CEP131: variants seen among roughly 807,000 people sequenced by gnomAD.
The protein encoded by CEP131 is centrosomal protein 131.
CEP131 carries 99 observed loss-of-function variants against 136.8 expected under a neutral mutation model. The observed-to-expected ratio is 0.72, with a 90% CI of 0.62 to 0.86. CEP131 has a LOEUF of 0.86. Ranked by LOEUF, CEP131 falls within the 40% of genes least tolerant of loss-of-function variation. The pLI, the probability that CEP131 is intolerant of heterozygous loss-of-function variation, is 0.00. For missense variants in CEP131, 1,459 were observed against 1,463.0 expected, an observed-to-expected ratio of 1.00 and a Z score of 0.04; for synonymous variants, 646 against 612.7, an observed-to-expected ratio of 1.05 and a Z score of -0.80.
At chr17:81,217,228 GC>G (rs2062267287) in intron 2 of CEP131, among the ~76,000 whole-genome samples, 1 of 152,126 alleles carries the variant, frequency 6.6e-6, no homozygotes, top group South Asian at 2.1e-4. Flanking sequence ...CTACAGTCTG[GC>G]ACCGACATCT....
chr17:81,198,144 G>A lies in CEP131; in HGVS notation c.1441C>T (p.His481Tyr), dbSNP rs1433867528. ...CTGGCCCAGGCGTATCTGCCCCTGT[G>A]ATGGGTCCTGGGGCGGGGCAGCACG... ...PDVLPRPRTH[H>Y]RGRYAWASEE... Residue 481 changes from histidine (H) to tyrosine (Y), a missense_variant, in exon 12 of 26, where the codon CAC (histidine) becomes TAC (tyrosine). Around this residue, in one of 3 missense-constraint regions of CEP131, gnomAD observed 1,026 missense variants for 964.2 expected, o/e 1.06. Coordinates refer to ENST00000450824, the MANE Select transcript of CEP131 (RefSeq NM_014984.4). 2.5e-6 allele frequency: 4 copies of A among 1,573,998 alleles called. No individual in the cohort carries two copies. Among genetic ancestry groups the A allele is most frequent in the Non-Finnish European group, 3.4e-6 (4 of 1,160,272 alleles).
intron 1 of CEP131, among the ~76,000 whole-genome samples, chr17:81,221,268 T>G (rs761922236): frequency 5.9e-5 from 9 of 151,890 alleles, no homozygotes; most frequent in Non-Finnish European, 1.0e-4. Context: ...TGACGATCGA[T>G]CGAGGGGATT....
chr17:81,189,790 C>T lies in CEP131; in HGVS notation c.3222G>A (p.Arg1074=), dbSNP rs752684649. 6.2e-7 allele frequency: 1 copy of T among 1,608,564 alleles called. No individual in the cohort carries two copies. Among genetic ancestry groups the T allele is most frequent in the South Asian group, 1.1e-5 (1 of 90,668 alleles). The change falls in exon 26 of 26, where the codon AGG becomes AGA. Residue 1074 remains arginine (R), a synonymous_variant. Coordinates refer to ENST00000450824, the MANE Select transcript of CEP131 (RefSeq NM_014984.4). The part of the protein sequence containing the change: ...HLEELLEQHR[R]PTPSTK ...CTGGTCACTTGGTACTTGGCGTGGG[C>T]CTCCTGTGCTGCTCCAGCAGCTCCT...
At chr17:81,205,986 A>T in intron 5 of CEP131, among the ~76,000 whole-genome samples, 1 of 152,174 alleles carries the variant, frequency 6.6e-6, no homozygotes, top group East Asian at 1.9e-4. Flanking sequence ...CGGGTGGATC[A>T]TGAGGTCAGG....
At chr17:81,206,346 G>T (rs932185950) in intron 5 of CEP131, among the ~76,000 whole-genome samples, 4 of 152,086 alleles carry the variant, frequency 2.6e-5, no homozygotes, top group African/African-American at 9.7e-5. Flanking sequence ...TTCCACTCAT[G>T]GGTCCCCTGA....
At chr17:81,221,101 G>T (rs1378056165) in intron 1 of CEP131, among the ~76,000 whole-genome samples, 2 of 144,736 alleles carry the variant, frequency 1.4e-5, no homozygotes, top group Non-Finnish European at 3.0e-5. Context: ...CTCCAGCCTG[G>T]GCAACATAGC....
At chr17:81,217,743 G>A (rs2062281594) in intron 2 of CEP131, among the ~76,000 whole-genome samples, 1 of 152,144 alleles carries the variant, frequency 6.6e-6, no homozygotes, top group Non-Finnish European at 1.5e-5. Context: ...GTTAGCAGTC[G>A]CCACTCAACA....
At chr17:81,218,016 TCCCTCC>T (rs1347006623) in intron 2 of CEP131, among the ~76,000 whole-genome samples, 6 of 150,146 alleles carry the variant, frequency 4.0e-5, no homozygotes, top group Non-Finnish European at 8.9e-5. Flanking sequence ...CCTCTCCCTC[TCCCTCC>T]CCCTCCCCCT....
At chr17:81,207,025 C>T (rs2062022330) in intron 4 of CEP131, 100 bp downstream of exon 4, 3 of 1,513,226 alleles carry the variant, frequency 2.0e-6, no homozygotes, top group South Asian at 1.2e-5. Context: ...TTGACACCCT[C>T]CCTGCAGTGC....
intron 10 of CEP131, 116 bp downstream of exon 10, chr17:81,199,264 TG>T: frequency 8.0e-7 from 1 of 1,248,986 alleles, no homozygotes; most frequent in Non-Finnish European, 1.1e-6. Context: ...CTCCGAGGAC[TG>T]GGGCCGCCAA....
Position 81,194,068 on chromosome 17 carries a change from T to C in CEP131, c.2179A>G (p.Lys727Glu), listed in dbSNP as rs1203562783. The change falls in exon 18 of 26, where the codon AAG (lysine) becomes GAG (glutamate). Residue 727 changes from lysine (K) to glutamate (E), a missense_variant. Physicochemically the swap from Lys to Glu is moderately conservative, Grantham distance 56. This residue lies in a region of CEP131 where 1,026 missense variants were observed against 964.2 expected (regional missense o/e 1.06). Coordinates refer to ENST00000450824, the MANE Select transcript of CEP131 (RefSeq NM_014984.4). Reference sequence around the variant, plus strand: ...AGCAGCTCCGCCTCGTGCAGGCTCTTGAGCCTCCGCACTTCCTGCTTGTGC... The same window carrying C: ...AGCAGCTCCGCCTCGTGCAGGCTCTCGAGCCTCCGCACTTCCTGCTTGTGC... ...ARHKQEVRRL[K>E]SLHEAELLQS... 4 of 1,583,280 alleles carry C rather than the reference T, an allele frequency of 2.5e-6. No homozygotes were observed. The highest frequency in any genetic ancestry group is 2.3e-5 in the East Asian group (1 of 43,206).
In CEP131 at chr17:81,193,944, C is replaced by G; in HGVS notation, c.2303G>C (p.Arg768Pro). 10 of 1,539,070 alleles carry G rather than the reference C, an allele frequency of 6.5e-6. No homozygotes were observed. The highest frequency in any genetic ancestry group is 8.8e-6 in the Non-Finnish European group (10 of 1,142,404). The change falls in exon 18 of 26, where the codon CGC (arginine) becomes CCC (proline). Residue 768 changes from arginine to proline, a missense_variant. Transcript: ENST00000450824. The part of the protein sequence containing the change: ...REKEALGQQE[R>P]ERARQRFQQH... ...CACCCACCGCTGCCGAGCACGTTCG[C>G]GCTCCTGCTGGCCCAGCGCCTCCTT...
At chr17:81,202,528 G>A (rs2061916476) in intron 6 of CEP131, 130 bp from the exon 7 acceptor site, 1 of 1,090,814 alleles carries the variant, frequency 9.2e-7, no homozygotes, top group Non-Finnish European at 1.3e-6. Context: ...TGGCAGCCGG[G>A]GCAGAGGGGG....
intron 24 of CEP131, 87 bp downstream of exon 24, chr17:81,190,552 A>G (rs1262326827): frequency 7.1e-7 from 1 of 1,414,388 alleles, no homozygotes; most frequent in East Asian, 2.6e-5. Flanking sequence ...TTCCTCAGCC[A>G]CAGCCTCCTG....
chr17:81,216,970 G>A (rs2062260391), intron 2 of CEP131, among the ~76,000 whole-genome samples: 1 of 152,182 alleles, frequency 6.6e-6, no homozygotes, highest in African/African-American at 2.4e-5. Context: ...ATGCTCAGAT[G>A]GTAAATCAAG....
rs1567857088 is a variant in CEP131, at chr17:81,197,713, T to A, written c.1646A>T (p.Glu549Val). The change falls in exon 13 of 26, where the codon GAG (glutamate) becomes GTG (valine). Residue 549 changes from glutamate (E) to valine (V), a missense_variant and splice_region_variant. Around this residue, in one of 3 missense-constraint regions of CEP131, gnomAD observed 1,026 missense variants for 964.2 expected, o/e 1.06. Transcript: ENST00000450824. ...GGGTGCGGGCTGGTGAGGGGCCACC[T>A]CCTGCTGGGAGTCCAGCTGGTCCTG... ...SGQDQLDSQQEGWVPEAGPGP... is the reference protein window; with the variant it reads ...SGQDQLDSQQVGWVPEAGPGP... 6.2e-7 allele frequency: 1 copy of A among 1,609,002 alleles called. No homozygotes were observed. Among genetic ancestry groups the A allele is most frequent in the Non-Finnish European group, 8.5e-7 (1 of 1,177,582 alleles).
chr17:81,189,904 C>T lies in CEP131; in HGVS notation c.3168+11G>A, dbSNP rs778386588. ...CCCCGAGGTCCAGCAGGGCTGGCCA[C>T]AGGGACTCACCTCATGTTGTGTCCG... On this transcript the variant is annotated intron_variant, in intron 25 of 25. Coordinates refer to ENST00000450824, the MANE Select transcript of CEP131 (RefSeq NM_014984.4). 2 of 1,612,910 alleles carry T rather than the reference C, an allele frequency of 1.2e-6. No individual in the cohort carries two copies. The highest frequency in any genetic ancestry group is 1.1e-5 in the South Asian group (1 of 91,078).
rs530864094 is a variant in CEP131, at chr17:81,219,962, C to T, written c.95G>A (p.Arg32His). The part of the protein sequence containing the change: ...LTGLPPPVSR[R>H]PGSAATTKPI... ...CTTGGTGGTGGCGGCACTGCCAGGA[C>T]GCCGGGACACAGGCGGAGGGAGACC... Residue 32 changes from arginine to histidine, a missense_variant, in exon 2 of 26, where the codon CGT becomes CAT. Transcript: ENST00000450824. The surrounding 1 kb of genome is among the most constrained non-coding windows in gnomAD (Gnocchi z 4.0). 1.4e-5 allele frequency: 23 copies of T among 1,611,828 alleles called. No homozygotes were observed. The highest frequency in any genetic ancestry group is 1.3e-4 in the East Asian group (6 of 44,642).
chr17:81,201,209 G>A (rs1170448401), intron 7 of CEP131, among the ~76,000 whole-genome samples: 3 of 152,234 alleles, frequency 2.0e-5, no homozygotes, highest in Non-Finnish European at 2.9e-5. Flanking sequence ...GAACTGGGGG[G>A]CTTCAAGGGG....
Sources: gnomAD v4.1 joint callset for allele counts (sites outside exome capture counted in the v4.1 genomes callset) on GRCh38, gnomAD v4.1.1 for gene constraint, gnomAD v4.1.1 regional missense constraint, Gnocchi (gnomAD v3.1) non-coding constraint, MANE v1.5 for transcripts, NCBI Gene and HGNC (gene_info 2026-07-23, HGNC 2026-07-21) for gene names.